Variants in TADA1 observed in about 807,000 individuals in gnomAD.
The protein encoded by TADA1 is transcriptional adaptor 1, also known as transcriptional adapter 1.
In TADA1, 23 loss-of-function variants were observed where a neutral mutation model predicts 39.3. The observed-to-expected ratio is 0.58, with a 90% CI of 0.42 to 0.83. TADA1 has a LOEUF of 0.83. Among genes scored for constraint, TADA1 ranks in the 40% least tolerant of loss-of-function variants. The probability of loss-of-function intolerance (pLI) is 0.00; values close to 1 mark genes in which losing one functional copy is unlikely to be tolerated. For missense variants in TADA1, 352 were observed against 408.1 expected (o/e 0.86, Z 1.18); for synonymous variants, 137 against 151.8 (o/e 0.90, Z 0.72).
intron 1 of TADA1, among the ~76,000 whole-genome samples, chr1:166,873,216 A>T (rs893355573): frequency 1.3e-5 from 2 of 152,198 alleles, no homozygotes; most frequent in Admixed American, 6.5e-5. Flanking sequence ...GGTTGCAGTG[A>T]GCCGAGATCG....
In TADA1 at chr1:166,856,788, A is replaced by G. The variant is rs1260793974; in HGVS notation, c.*779T>C. ...CCTCCTAGAAACTGGAGAATTACCA[A>G]GCATATATCCAATTTGTATAGATTT... On this transcript the variant is annotated 3_prime_UTR_variant, in exon 8 of 8. Coordinates refer to ENST00000367874, the MANE Select transcript of TADA1 (RefSeq NM_053053.4). The G allele has an allele frequency of 6.5e-6, 1 of 152,674 alleles. No homozygotes were observed. The highest frequency in any genetic ancestry group is 1.5e-5 in the Non-Finnish European group (1 of 68,052). 9.5% of individuals were successfully genotyped at this position (152,674 alleles called of 1,614,324 possible). A position where few individuals can be genotyped will look rare whatever the true frequency, so the allele number is the denominator to read the frequency against.
At chr1:166,859,025 T>C (rs796382247) in intron 6 of TADA1, among the ~76,000 whole-genome samples, 3 of 152,218 alleles carry the variant, frequency 2.0e-5, no homozygotes, top group African/African-American at 2.4e-5. Context: ...GGAGCCACTT[T>C]TGGGGATTTG....
chr1:166,866,536 C>T (rs1230612636), intron 3 of TADA1, among the ~76,000 whole-genome samples: 2 of 152,058 alleles, frequency 1.3e-5, no homozygotes, highest in Non-Finnish European at 1.5e-5. Context: ...TAATAGAAAT[C>T]TTCTCTTTGT....
chr1:166,876,254 G>T lies in TADA1; in HGVS notation c.-21C>A, dbSNP rs761427428. ...GCCATTGCTCCGCGTGTCTCAGCCC[G>T]ACCGCAGACCGCCCGGCCACCGCGA... is the stretch of plus-strand genomic sequence containing the variant. On this transcript the variant is annotated 5_prime_UTR_variant, in exon 1 of 8. Coordinates refer to ENST00000367874, the MANE Select transcript of TADA1 (RefSeq NM_053053.4). The T allele has an allele frequency of 3.7e-6, 6 of 1,608,556 alleles. No individual in the cohort carries two copies. The highest frequency in any genetic ancestry group is 1.3e-5 in the African/African-American group (1 of 74,502).
chr1:166,871,748 A>C (rs1278422519), intron 1 of TADA1, among the ~76,000 whole-genome samples: 1 of 152,162 alleles, frequency 6.6e-6, no homozygotes, highest in Non-Finnish European at 1.5e-5. Context: ...CATTTTTTTA[A>C]AGGACAGGAA....
At chr1:166,866,515 T>C (rs150127944) in intron 3 of TADA1, among the ~76,000 whole-genome samples, 2 of 152,338 alleles carry the variant, frequency 1.3e-5, no homozygotes, top group African/African-American at 2.4e-5. Context: ...CAAACAACTA[T>C]ATTTTACTTG....
chr1:166,860,963 CT>C (rs1323911052), intron 5 of TADA1, among the ~76,000 whole-genome samples: 1 of 152,130 alleles, frequency 6.6e-6, no homozygotes, highest in Non-Finnish European at 1.5e-5. Context: ...GCAAAAATGA[CT>C]TTTTAAAAAG....
chr1:166,864,686 G>T (rs1374721453), intron 3 of TADA1, among the ~76,000 whole-genome samples: 1 of 152,206 alleles, frequency 6.6e-6, no homozygotes, highest in Non-Finnish European at 1.5e-5. Flanking sequence ...AGATAATGAT[G>T]GTACAAACCA....
chr1:166,860,145 T>A, intron 6 of TADA1, 41 bp downstream of exon 6: 1 of 1,567,100 alleles, frequency 6.4e-7, no homozygotes, highest in East Asian at 2.3e-5. Context: ...TATAAACAAC[T>A]AGCAAAAGAT....
intron 7 of TADA1, 69 bp from the exon 8 acceptor site, chr1:166,857,788 G>GT: frequency 6.6e-7 from 1 of 1,507,226 alleles, no homozygotes; most frequent in East Asian, 2.3e-5. Flanking sequence ...ATATAAAAGG[G>GT]TTTATATCAA....
chr1:166,862,466 C>CA (rs35181816), intron 4 of TADA1, 54 bp from the exon 5 acceptor site: 531,460 of 1,430,414 alleles, frequency 0.37, 101,078 homozygotes, highest in Middle Eastern at 0.53. Context: ...AAACAAGACA[C>CA]AAAGTAAACT....
intron 1 of TADA1, among the ~76,000 whole-genome samples, chr1:166,874,634 T>C (rs1658726037): frequency 6.6e-6 from 1 of 151,944 alleles, no homozygotes; most frequent in Non-Finnish European, 1.5e-5. Context: ...AAAAAAACTT[T>C]AGCCAGGATT....
At chr1:166,861,546 C>T (rs1292455255) in intron 5 of TADA1, among the ~76,000 whole-genome samples, 1 of 152,080 alleles carries the variant, frequency 6.6e-6, no homozygotes, top group Non-Finnish European at 1.5e-5. Flanking sequence ...GTTCAGATGC[C>T]AAGACTAATA....
Position 166,876,244 on chromosome 1 carries a change from G to A in TADA1, c.-11C>T. 6.2e-7 allele frequency: 1 copy of A among 1,612,374 alleles called. No individual in the cohort carries two copies. Among genetic ancestry groups the A allele is most frequent in the Non-Finnish European group, 8.5e-7 (1 of 1,179,384 alleles). The stretch of plus-strand genomic sequence containing the variant: ...CACAAAGGTCGCCATTGCTCCGCGT[G>A]TCTCAGCCCGACCGCAGACCGCCCG... On this transcript the variant is annotated 5_prime_UTR_variant, in exon 1 of 8. Coordinates refer to ENST00000367874, the MANE Select transcript of TADA1 (RefSeq NM_053053.4).
At chr1:166,865,787 C>A (rs1658518123) in intron 3 of TADA1, among the ~76,000 whole-genome samples, 2 of 151,462 alleles carry the variant, frequency 1.3e-5, no homozygotes, top group African/African-American at 2.4e-5. Context: ...CCACTGCACT[C>A]CAGCATGGGC....
chr1:166,860,072 T>C, intron 6 of TADA1, 114 bp downstream of exon 6: 1 of 1,023,450 alleles, frequency 9.8e-7, no homozygotes, highest in South Asian at 2.1e-5. Flanking sequence ...ATTGTACTCC[T>C]ATTAAAGGTA....
At chr1:166,857,991 T>C in intron 7 of TADA1, 128 bp downstream of exon 7, 3 of 1,255,022 alleles carry the variant, frequency 2.4e-6, no homozygotes, top group Non-Finnish European at 3.3e-6. Context: ...AATAACGGCT[T>C]TTATAACAGA....
chr1:166,874,851 A>C (rs1424861561), intron 1 of TADA1, among the ~76,000 whole-genome samples: 1 of 152,240 alleles, frequency 6.6e-6, no homozygotes, highest in South Asian at 2.1e-4. Context: ...ATTATGCTAA[A>C]ATAACAGTTT....
chr1:166,869,733 G>A (rs766204502), intron 2 of TADA1, 30 bp downstream of exon 2: 1 of 1,587,372 alleles, frequency 6.3e-7, no homozygotes, highest in East Asian at 2.2e-5. Context: ...CTACAGAATA[G>A]TAAAATAACT....
Sources: gnomAD v4.1 joint callset for allele counts (sites outside exome capture counted in the v4.1 genomes callset) on GRCh38, gnomAD v4.1.1 for gene constraint, MANE v1.5 for transcripts, NCBI Gene and HGNC (gene_info 2026-07-23, HGNC 2026-07-21) for gene names.